The following SLC1A1 variants were observed in gnomAD, a reference collection of about 807,000 sequenced individuals.
The protein encoded by SLC1A1 is solute carrier family 1 member 1.
Under a neutral mutation model 53.3 loss-of-function variants are expected in SLC1A1, and 43 were observed. That is an observed-to-expected ratio of 0.81 (90% CI 0.63 to 1.04). The LOEUF is 1.04. SLC1A1 is among the 50% of genes least tolerant of loss of function. SLC1A1 has a pLI of 0.00. For missense variants in SLC1A1, 748 were observed against 664.9 expected (o/e 1.12, Z -1.37); for synonymous variants, 307 against 243.2 (o/e 1.26, Z -2.44).
At chr9:4,584,689 T>C (rs1431339809) in intron 11 of SLC1A1, among the ~76,000 whole-genome samples, 1 of 152,154 alleles carries the variant, frequency 6.6e-6, no homozygotes, top group Non-Finnish European at 1.5e-5. Flanking sequence ...CTGCCACCAG[T>C]CTCTTCCCCA....
Position 4,586,596 on chromosome 9 carries a change from G to A in SLC1A1, c.*1038G>A, listed in dbSNP as rs538012902. 6.6e-6 allele frequency: 1 copy of A among 152,242 alleles called. No homozygotes were observed. Among genetic ancestry groups the A allele is most frequent in the Non-Finnish European group, 1.5e-5 (1 of 68,002 alleles). 9.4% of individuals were successfully genotyped at this position (152,242 alleles called of 1,614,324 possible). ...GGATGTGCTTTCATCCAACTGGAAG[G>A]CTTTATTCTTCCAAGTTCATTCATA... On this transcript the variant is annotated 3_prime_UTR_variant, in exon 12 of 12. Coordinates refer to ENST00000262352, the MANE Select transcript of SLC1A1 (RefSeq NM_004170.6).
At chr9:4,570,643 T>A (rs1170575667) in intron 6 of SLC1A1, among the ~76,000 whole-genome samples, 1 of 152,174 alleles carries the variant, frequency 6.6e-6, no homozygotes, top group Non-Finnish European at 1.5e-5. Flanking sequence ...AATGCTGGGA[T>A]TACAGGTGTG....
At chr9:4,526,295 G>A (rs1228945294) in intron 1 of SLC1A1, among the ~76,000 whole-genome samples, 1 of 152,170 alleles carries the variant, frequency 6.6e-6, no homozygotes, top group East Asian at 1.9e-4. Context: ...ATGTGATATG[G>A]AATACTGAAC....
At chr9:4,539,457 T>G (rs1259585818) in intron 1 of SLC1A1, among the ~76,000 whole-genome samples, 1 of 152,168 alleles carries the variant, frequency 6.6e-6, no homozygotes, top group Non-Finnish European at 1.5e-5. Flanking sequence ...ATGGAAGAAA[T>G]GATATTCTGT....
intron 1 of SLC1A1, among the ~76,000 whole-genome samples, chr9:4,515,316 T>A (rs1247647321): frequency 2.0e-5 from 3 of 152,148 alleles, no homozygotes; most frequent in African/African-American, 7.2e-5. Flanking sequence ...CATTTTCTGA[T>A]GGGAAGAGTA....
At chr9:4,545,207 C>CTCTCTCTCTCTCTCTG (rs1817380457) in intron 2 of SLC1A1, among the ~76,000 whole-genome samples, 1 of 151,590 alleles carries the variant, frequency 6.6e-6, no homozygotes, top group Non-Finnish European at 1.5e-5. Context: ...CTCTCTCTCT[C>CTCTCTCTCTCTCTCTG]TCTCTCTCTC....
intron 1 of SLC1A1, among the ~76,000 whole-genome samples, chr9:4,536,054 G>T (rs1006761103): frequency 3.3e-5 from 5 of 152,188 alleles, no homozygotes; most frequent in African/African-American, 7.2e-5. Context: ...CAAGATGGAT[G>T]AAAGACTTAA....
intron 1 of SLC1A1, among the ~76,000 whole-genome samples, chr9:4,499,426 A>C (rs10974577): frequency 0.056 from 8,457 of 152,246 alleles, 765 homozygotes; most frequent in African/African-American, 0.19. Context: ...CCAAAGTTCT[A>C]CATATTAAAG....
rs1004525969 is a variant in SLC1A1 at position 4,543,677 on chromosome 9, C to T, written c.92-890C>T. Reference sequence around the variant, plus strand: ...TAAAAAGCCTTTTAATCAGATAAACCTGAATATATCATTATCTAGAAATAA... The same window carrying T: ...TAAAAAGCCTTTTAATCAGATAAACTTGAATATATCATTATCTAGAAATAA... On this transcript the variant is annotated intron_variant, in intron 1 of 11. Coordinates refer to ENST00000262352, the MANE Select transcript of SLC1A1 (RefSeq NM_004170.6). 4.2e-4 allele frequency among the ~76,000 whole-genome samples: 64 copies of T among 152,102 alleles called. 2 individuals carry two copies. The highest frequency in any genetic ancestry group is 3.7e-3 in the Admixed American group (57 of 15,262).
chr9:4,542,194 G>A (rs1586736370), intron 1 of SLC1A1, among the ~76,000 whole-genome samples: 1 of 113,752 alleles, frequency 8.8e-6, no homozygotes, highest in Non-Finnish European at 1.9e-5. Flanking sequence ...GAGACACGGA[G>A]GGAGGGAGGA....
chr9:4,499,667 G>T (rs1219789652), intron 1 of SLC1A1, among the ~76,000 whole-genome samples: 2 of 152,220 alleles, frequency 1.3e-5, no homozygotes, highest in African/African-American at 4.8e-5. Context: ...ATGCAGGTTG[G>T]TATATACAAT....
At chr9:4,519,760 G>A (rs1815999401) in intron 1 of SLC1A1, among the ~76,000 whole-genome samples, 6 of 152,128 alleles carry the variant, frequency 3.9e-5, no homozygotes, top group African/African-American at 1.4e-4. Flanking sequence ...CTAGTAACTG[G>A]TAGGACATAC....
intron 3 of SLC1A1, among the ~76,000 whole-genome samples, chr9:4,562,763 T>C (rs1246885458): frequency 6.6e-6 from 1 of 152,174 alleles, no homozygotes; most frequent in African/African-American, 2.4e-5. Flanking sequence ...TTTTTATGGC[T>C]GCATAGTATT....
chr9:4,505,576 G>C (rs961145035), intron 1 of SLC1A1, among the ~76,000 whole-genome samples: 2 of 152,146 alleles, frequency 1.3e-5, no homozygotes, highest in African/African-American at 4.8e-5. Context: ...ATTTCCATTG[G>C]CTCTACGTGC....
intron 10 of SLC1A1, among the ~76,000 whole-genome samples, chr9:4,580,255 G>GAA (rs1235190922): frequency 9.9e-5 from 15 of 151,122 alleles, no homozygotes; most frequent in Admixed American, 6.6e-5. Context: ...AAGAAAGAAA[G>GAA]AGAGAAAAGA....
chr9:4,540,506 G>C (rs750801945), intron 1 of SLC1A1, among the ~76,000 whole-genome samples: 1 of 152,190 alleles, frequency 6.6e-6, no homozygotes, highest in Non-Finnish European at 1.5e-5. Flanking sequence ...CTAAAAGAGC[G>C]CTGACTAAAA....
At chr9:4,527,130 G>A (rs1187223722) in intron 1 of SLC1A1, among the ~76,000 whole-genome samples, 1 of 152,142 alleles carries the variant, frequency 6.6e-6, no homozygotes, top group Non-Finnish European at 1.5e-5. Context: ...ACTTGCAGGA[G>A]CCGAGAGGAG....
chr9:4,572,449 A>G, intron 7 of SLC1A1, 61 bp downstream of exon 7: 1 of 1,412,042 alleles, frequency 7.1e-7, no homozygotes, highest in South Asian at 1.2e-5. Flanking sequence ...CCTCAAAATT[A>G]GAAAGAAGAG....
intron 5 of SLC1A1, among the ~76,000 whole-genome samples, chr9:4,567,341 G>T (rs1191748476): frequency 1.3e-5 from 2 of 152,174 alleles, no homozygotes; most frequent in Non-Finnish European, 2.9e-5. Flanking sequence ...TCCTTACAGA[G>T]TCTGTCTCTG....
Sources: gnomAD v4.1 joint callset for allele counts (sites outside exome capture counted in the v4.1 genomes callset) on GRCh38, gnomAD v4.1.1 for gene constraint, MANE v1.5 for transcripts, NCBI Gene and HGNC (gene_info 2026-07-23, HGNC 2026-07-21) for gene names.